The following IPO7 variants were observed in gnomAD, a reference collection of about 807,000 sequenced individuals.
IPO7 encodes importin-7.
Under a neutral mutation model 136.4 loss-of-function variants are expected in IPO7, and 13 were observed. That is an observed-to-expected ratio of 0.10 (90% CI 0.06 to 0.15). The LOEUF (loss-of-function observed/expected upper bound fraction) is 0.15, where lower values mean the gene tolerates loss of function less well. Ranked by LOEUF, IPO7 falls within the 10% of genes least tolerant of loss-of-function variation. IPO7 has a pLI of 1.00. For missense variants in IPO7, 857 were observed against 1,240.6 expected, an observed-to-expected ratio of 0.69 and a Z score of 4.65; for synonymous variants, 403 against 404.4, an observed-to-expected ratio of 1.00 and a Z score of 0.04.
intron 1 of IPO7, among the ~76,000 whole-genome samples, chr11:9,386,498 G>C (rs1432758759): frequency 6.6e-6 from 1 of 152,060 alleles, no homozygotes; most frequent in Non-Finnish European, 1.5e-5. Context: ...GTTTAGTCAT[G>C]GTCATTTCTA....
Position 9,440,539 on chromosome 11 carries a change from G to C in IPO7, c.2780G>C (p.Gly927Ala). 6.2e-7 allele frequency: 1 copy of C among 1,614,036 alleles called. No homozygotes were observed. Among genetic ancestry groups the C allele is most frequent in the South Asian group, 1.1e-5 (1 of 91,078 alleles). Residue 927 changes from glycine to alanine, a missense_variant, in exon 23 of 25, where the codon GGA (glycine) becomes GCA (alanine). Coordinates refer to ENST00000379719, the MANE Select transcript of IPO7 (RefSeq NM_006391.3). Reference sequence around the variant, plus strand: ...CTGGCTAAGCAGGCTGGTGAAGATGGAGATGATGAAGATTGGGAAGAAGAT... The same window carrying C: ...CTGGCTAAGCAGGCTGGTGAAGATGCAGATGATGAAGATTGGGAAGAAGAT... The part of the protein sequence containing the change: ...EILAKQAGED[G>A]DDEDWEEDDA...
intron 1 of IPO7, among the ~76,000 whole-genome samples, chr11:9,399,185 CAG>C (rs1397949990): frequency 1.4e-5 from 2 of 143,290 alleles, no homozygotes; most frequent in Non-Finnish European, 3.0e-5. Context: ...TTTTTTTTGA[CAG>C]AGTTTCACTC....
intron 1 of IPO7, among the ~76,000 whole-genome samples, chr11:9,400,423 G>T (rs1854775915): frequency 6.6e-6 from 1 of 150,638 alleles, no homozygotes; most frequent in Non-Finnish European, 1.5e-5. Flanking sequence ...ACCTAAATAA[G>T]TAATTTTTTT....
intron 16 of IPO7, among the ~76,000 whole-genome samples, chr11:9,432,204 T>C (rs965502898): frequency 6.6e-5 from 10 of 150,526 alleles, no homozygotes; most frequent in Middle Eastern, 3.2e-3. Flanking sequence ...CACTAAACTT[T>C]TTTTTTTTTT....
In IPO7 at chr11:9,420,222, C is replaced by G. The variant is rs781111829; in HGVS notation, c.727-189C>G. On this transcript the variant is annotated intron_variant, in intron 6 of 24. Coordinates refer to ENST00000379719, the MANE Select transcript of IPO7 (RefSeq NM_006391.3). ...GTCCCAGCTACTTGGGAGGCTGAGG[C>G]GGGAGAATTGTGTGAACTCGGGAGG... The G allele has an allele frequency of 6.1e-6, 3 of 494,182 alleles. No homozygotes were observed. In the South Asian group the frequency reaches 9.8e-5, roughly 16 times the overall value. 30.6% of individuals were successfully genotyped at this position (494,182 alleles called of 1,614,324 possible). A position where few individuals can be genotyped will look rare whatever the true frequency, so the allele number is the denominator to read the frequency against.
At chr11:9,384,906 G>A in intron 1 of IPO7, 59 bp downstream of exon 1, 2 of 1,365,762 alleles carry the variant, frequency 1.5e-6, no homozygotes, top group Non-Finnish European at 2.0e-6. Context: ...GTGGCAGGCC[G>A]AGCCCCCGGG....
chr11:9,395,359 T>C (rs1374662796), intron 1 of IPO7, among the ~76,000 whole-genome samples: 1 of 152,160 alleles, frequency 6.6e-6, no homozygotes, highest in Non-Finnish European at 1.5e-5. Flanking sequence ...TTCTCCAGCC[T>C]CAGCCTCCTG....
At chr11:9,425,827 C>G (rs1047181867) in intron 12 of IPO7, among the ~76,000 whole-genome samples, 25 of 150,498 alleles carry the variant, frequency 1.7e-4, no homozygotes, top group Admixed American at 5.3e-4. Context: ...TGCAGTGAGC[C>G]GAGATCACGC....
Position 9,433,974 on chromosome 11 carries a change from A to C in IPO7, c.2074+128A>C, listed in dbSNP as rs190082986. 1,080 of 896,298 alleles carry C rather than the reference A, an allele frequency of 1.2e-3. 9 individuals are homozygous for C. In the African/African-American group the frequency reaches 0.017, roughly 14 times the overall value. The allele number at this position is 896,298 out of a possible 1,614,324, so 55.5% of individuals were successfully genotyped here. ...ATTTTGCTCTTGTTGCCCAGGCTGG[A>C]GTGCAATGGTGCGATCTCAGCTCAT... On this transcript the variant is annotated intron_variant, in intron 18 of 24. Coordinates refer to ENST00000379719, the MANE Select transcript of IPO7 (RefSeq NM_006391.3).
intron 18 of IPO7, among the ~76,000 whole-genome samples, chr11:9,434,617 C>A (rs1855344969): frequency 6.6e-6 from 1 of 152,076 alleles, no homozygotes; most frequent in Non-Finnish European, 1.5e-5. Flanking sequence ...GCTATTAGAC[C>A]CTGTCTCTAA....
In IPO7 at chr11:9,446,516, C is replaced by G. The variant is rs1429561804; in HGVS notation, c.*1322C>G. On this transcript the variant is annotated 3_prime_UTR_variant, in exon 25 of 25. Transcript: ENST00000379719. ...TGTAGAGAGGTTGGCTTGCTTCCCT[C>G]TCTTCCTAACTGCATGTTGAAAAAT... is the stretch of plus-strand genomic sequence containing the variant. 1 of 152,170 alleles carries G rather than the reference C, an allele frequency of 6.6e-6. No homozygotes were observed. The highest frequency in any genetic ancestry group is 1.5e-5 in the Non-Finnish European group (1 of 68,030). The allele number at this position is 152,170 out of a possible 1,614,324, so 9.4% of individuals were successfully genotyped here.
chr11:9,422,149 C>T (rs377391650), intron 8 of IPO7, among the ~76,000 whole-genome samples: 131 of 151,968 alleles, frequency 8.6e-4, no homozygotes, highest in African/African-American at 3.0e-3. Context: ...TGTGGTGGTG[C>T]ATGTCTGTAA....
At chr11:9,409,886 C>G in intron 3 of IPO7, 42 bp from the exon 4 acceptor site, 5 of 1,441,368 alleles carry the variant, frequency 3.5e-6, no homozygotes, top group Non-Finnish European at 4.6e-6. Context: ...AAAATCTTAC[C>G]TAGTTAGGAT....
At chr11:9,386,059 A>G (rs1402452281) in intron 1 of IPO7, among the ~76,000 whole-genome samples, 1 of 152,236 alleles carries the variant, frequency 6.6e-6, no homozygotes, top group Non-Finnish European at 1.5e-5. Context: ...CATTGTTTAT[A>G]TTGACTTACC....
chr11:9,422,836 C>T (rs1176883762), intron 8 of IPO7, among the ~76,000 whole-genome samples, 170 bp from the exon 9 acceptor site: 1 of 152,162 alleles, frequency 6.6e-6, no homozygotes, highest in Non-Finnish European at 1.5e-5. Context: ...ATAGTTTTCT[C>T]TTCTTTTCAT....
chr11:9,421,061 C>T (rs370464551), intron 8 of IPO7, among the ~76,000 whole-genome samples: 20 of 152,052 alleles, frequency 1.3e-4, no homozygotes, highest in South Asian at 1.0e-3. Context: ...CAGGTTCAAG[C>T]GATTCTCCTG....
At chr11:9,434,546 A>G (rs763318460) in intron 18 of IPO7, among the ~76,000 whole-genome samples, 69 of 152,236 alleles carry the variant, frequency 4.5e-4, no homozygotes, top group South Asian at 4.1e-4. Flanking sequence ...TCACACCTGT[A>G]ATCCTAGCAC....
intron 21 of IPO7, 33 bp from the exon 22 acceptor site, chr11:9,438,047 T>TTG (rs1565004408): frequency 4.7e-6 from 1 of 213,224 alleles, no homozygotes; most frequent in Non-Finnish European, 6.1e-6. Flanking sequence ...AGAAAACAGT[T>TTG]TTTTTTTTTT....
chr11:9,438,290 G>C lies in IPO7; in HGVS notation c.2695+5G>C, dbSNP rs777111186. 2 of 1,496,290 alleles carry C rather than the reference G, an allele frequency of 1.3e-6. No individual in the cohort carries two copies. The highest frequency in any genetic ancestry group is 3.3e-5 in the Admixed American group (2 of 59,762). The allele number at this position is 1,496,290 out of a possible 1,614,324, so 92.7% of individuals were successfully genotyped here. On this transcript the variant is annotated splice_donor_5th_base_variant and intron_variant, in intron 22 of 24. Coordinates refer to ENST00000379719, the MANE Select transcript of IPO7 (RefSeq NM_006391.3). ...CTGAAGATGATGATGAAACCGGTAA[G>C]GGATTTTCAATGGAAGAAGACAAAA...
Sources: gnomAD v4.1 joint callset for allele counts (sites outside exome capture counted in the v4.1 genomes callset) on GRCh38, gnomAD v4.1.1 for gene constraint, MANE v1.5 for transcripts, NCBI Gene and HGNC (gene_info 2026-07-23, HGNC 2026-07-21) for gene names.